Variants in JPT1 observed in about 807,000 individuals in gnomAD.
JPT1 encodes the protein Jupiter microtubule associated homolog 1.
JPT1 carries 5 observed loss-of-function variants against 17.0 expected under a neutral mutation model. The ratio of observed to expected loss-of-function variants is 0.29; its 90% CI spans 0.15 to 0.62. JPT1 has a LOEUF of 0.62. Ranked by LOEUF, JPT1 falls within the 20% of genes least tolerant of loss-of-function variation. The pLI, the probability that JPT1 is intolerant of heterozygous loss-of-function variation, is 0.85. For synonymous variants in JPT1, 71 were observed against 73.6 expected (o/e 0.96, Z 0.18); for missense variants, 158 against 188.1 (o/e 0.84, Z 0.94).
intron 1 of JPT1, among the ~76,000 whole-genome samples, chr17:75,150,149 A>G (rs895767073): frequency 6.6e-6 from 1 of 152,188 alleles, no homozygotes; most frequent in Non-Finnish European, 1.5e-5. Context: ...TCTTTCTGCC[A>G]TAGGTTGACC....
chr17:75,144,580 C>T (rs1018255629), intron 4 of JPT1, among the ~76,000 whole-genome samples: 1 of 152,112 alleles, frequency 6.6e-6, no homozygotes, highest in African/African-American at 2.4e-5. Context: ...TCCCTGAGTT[C>T]TTTCTGTGAA....
In JPT1 at chr17:75,146,632, CA is replaced by C. The variant is rs372955865; in HGVS notation, c.316+33del. The C allele has an allele frequency of 8.2e-5, 123 of 1,506,286 alleles. No homozygotes were observed. The African/African-American group carries it at 1.4e-3, about 17-fold the overall frequency. 93.3% of individuals were successfully genotyped at this position (1,506,286 alleles called of 1,614,324 possible). ...TTCAGATCTGTCCTAAAACCATGGA[CA>C]GAGCCAGAAATTTGGTCTTCAGAAG... On this transcript the variant is annotated intron_variant, in intron 4 of 4. Coordinates refer to ENST00000409753, the MANE Select transcript of JPT1 (RefSeq NM_016185.4).
chr17:75,148,735 T>C, intron 1 of JPT1, 64 bp from the exon 2 acceptor site: 2 of 1,577,260 alleles, frequency 1.3e-6, no homozygotes, highest in Non-Finnish European at 1.7e-6. Context: ...ATAAATCTTT[T>C]CAGACAACTT....
At chr17:75,148,118 C>A in intron 2 of JPT1, 1 of 230,688 alleles carries the variant, frequency 4.3e-6, no homozygotes, top group Non-Finnish European at 8.6e-6. Context: ...TTAACCCAGT[C>A]TGACTTCAGT....
chr17:75,136,020 G>C lies in JPT1; in HGVS notation c.*82C>G. Reference sequence around the variant, plus strand: ...CTTCTTTTTAATGAAACAAATCCAAGAGATGTACAGTCAGGCTCAAGTTGT... The same window carrying C: ...CTTCTTTTTAATGAAACAAATCCAACAGATGTACAGTCAGGCTCAAGTTGT... On this transcript the variant is annotated 3_prime_UTR_variant, in exon 5 of 5. Transcript: ENST00000409753. 1.2e-6 allele frequency: 2 copies of C among 1,611,836 alleles called. No homozygotes were observed. The highest frequency in any genetic ancestry group is 1.1e-5 in the South Asian group (1 of 90,984).
At chr17:75,144,300 T>A (rs955019713) in intron 4 of JPT1, among the ~76,000 whole-genome samples, 3 of 151,896 alleles carry the variant, frequency 2.0e-5, no homozygotes, top group Non-Finnish European at 2.9e-5. Context: ...GGTGGGAGGA[T>A]CACATGACTG....
At chr17:75,141,957 TACTC>T (rs1320633083) in intron 4 of JPT1, among the ~76,000 whole-genome samples, 6 of 151,642 alleles carry the variant, frequency 4.0e-5, no homozygotes, top group Non-Finnish European at 8.8e-5. Flanking sequence ...TAGTCCCAGA[TACTC>T]AGGAGGCTAA....
intron 3 of JPT1, among the ~76,000 whole-genome samples, chr17:75,147,332 G>A (rs951621342): frequency 6.6e-6 from 1 of 152,114 alleles, no homozygotes; most frequent in Admixed American, 6.6e-5. Context: ...AAATCAATAG[G>A]GGAGATAAAA....
At position 75,154,452 on chromosome 17, in the gene JPT1, C is replaced by A. The variant is rs1203198532; in HGVS notation, c.-55G>T. 2 of 1,499,586 alleles carry A rather than the reference C, an allele frequency of 1.3e-6. No homozygotes were observed. Among genetic ancestry groups the A allele is most frequent in the African/African-American group, 1.4e-5 (1 of 70,978 alleles). The allele number at this position is 1,499,586 out of a possible 1,614,324, so 92.9% of individuals were successfully genotyped here. A position where few individuals can be genotyped will look rare whatever the true frequency, so the allele number is the denominator to read the frequency against. ...GGAGCAGAACGCTCAAAGGGTCGGA[C>A]CCGAGGGGCGCTGGGAAACTCCACA... On this transcript the variant is annotated 5_prime_UTR_variant, in exon 1 of 5. Transcript: ENST00000409753.
At chr17:75,141,771 TAAAA>T (rs199615730) in intron 4 of JPT1, among the ~76,000 whole-genome samples, 8 of 151,112 alleles carry the variant, frequency 5.3e-5, no homozygotes, top group African/African-American at 1.9e-4. Context: ...CTGCTAAAAA[TAAAA>T]AAAATTAGTT....
At chr17:75,147,764 CGAGGCGGGCA>C in intron 2 of JPT1, 111 bp from the exon 3 acceptor site, 1 of 781,066 alleles carries the variant, frequency 1.3e-6, no homozygotes, top group Non-Finnish European at 2.1e-6. Context: ...TTTAGGAGGC[CGAGGCGGGCA>C]GATCACCTGA....
At chr17:75,150,449 C>T (rs2074526594) in intron 1 of JPT1, among the ~76,000 whole-genome samples, 3 of 152,142 alleles carry the variant, frequency 2.0e-5, no homozygotes, top group African/African-American at 2.4e-5. Flanking sequence ...GACGGGGTTT[C>T]GCCATGTTGG....
chr17:75,148,428 G>C lies in JPT1; in HGVS notation c.199+101C>G, dbSNP rs1323772462. 4.8e-5 allele frequency: 68 copies of C among 1,428,212 alleles called. No individual in the cohort carries two copies. In the East Asian group the frequency reaches 1.5e-3, roughly 32 times the overall value. The allele number at this position is 1,428,212 out of a possible 1,614,324, so 88.5% of individuals were successfully genotyped here. A position where few individuals can be genotyped will look rare whatever the true frequency, so the allele number is the denominator to read the frequency against. On this transcript the variant is annotated intron_variant, in intron 2 of 4. Coordinates refer to ENST00000409753, the MANE Select transcript of JPT1 (RefSeq NM_016185.4). ...CACCAGCTAATTTTTGTTTTGTTTT[G>C]TTTTTTAGACACGGGGGCACATGCT...
chr17:75,146,171 T>G (rs1390557409), intron 4 of JPT1, among the ~76,000 whole-genome samples: 1 of 152,218 alleles, frequency 6.6e-6, no homozygotes, highest in Non-Finnish European at 1.5e-5. Context: ...TTTATTTTTT[T>G]CAGGCAAGGT....
intron 4 of JPT1, among the ~76,000 whole-genome samples, chr17:75,143,348 TC>T (rs1398000160): frequency 5.9e-5 from 9 of 151,990 alleles, no homozygotes; most frequent in Admixed American, 4.6e-4. Context: ...TTACTGGAGG[TC>T]AGGAGTTCAG....
rs142280805 is a variant in JPT1, at chr17:75,149,607, T to G, written c.57-936A>C. 7.5e-4 allele frequency among the ~76,000 whole-genome samples: 114 copies of G among 152,220 alleles called. 1 individual carries two copies. Among genetic ancestry groups the G allele is most frequent in the African/African-American group, 2.7e-3 (112 of 41,564 alleles). On this transcript the variant is annotated intron_variant, in intron 1 of 4. Coordinates refer to ENST00000409753, the MANE Select transcript of JPT1 (RefSeq NM_016185.4). ...TGCTCTTGATCTCCTGACCTCATGA[T>G]CCACTCACCTCGGCCTCCCAAAGTG... is the stretch of plus-strand genomic sequence containing the variant.
chr17:75,153,492 A>T (rs2145201045), intron 1 of JPT1: 1 of 152,356 alleles, frequency 6.6e-6, no homozygotes, highest in South Asian at 2.1e-4. Flanking sequence ...GGATGAACTC[A>T]CTGGGCAAAC....
intron 4 of JPT1, among the ~76,000 whole-genome samples, chr17:75,138,118 GC>G (rs992609511): frequency 2.0e-5 from 3 of 151,382 alleles, no homozygotes; most frequent in Non-Finnish European, 4.4e-5. Context: ...CCGCTACAAC[GC>G]CCGACTAATT....
chr17:75,146,529 T>C, intron 4 of JPT1, 137 bp downstream of exon 4: 1 of 622,050 alleles, frequency 1.6e-6, no homozygotes, highest in Non-Finnish European at 2.9e-6. Context: ...TACTGGCAGA[T>C]TAGAGTATGG....
Sources: gnomAD v4.1 joint callset for allele counts (sites outside exome capture counted in the v4.1 genomes callset) on GRCh38, gnomAD v4.1.1 for gene constraint, MANE v1.5 for transcripts, NCBI Gene and HGNC (gene_info 2026-07-23, HGNC 2026-07-21) for gene names.